Variants in ABLIM2 observed in about 807,000 individuals in gnomAD.
ABLIM2 encodes the protein actin-binding LIM protein 2.
A neutral mutation model predicts 97.7 loss-of-function variants in ABLIM2; 53 were observed. The ratio of observed to expected loss-of-function variants is 0.54; its 90% CI spans 0.44 to 0.68. ABLIM2 has a LOEUF of 0.68. Among genes scored for constraint, ABLIM2 ranks in the 30% least tolerant of loss-of-function variants. ABLIM2 has a pLI of 0.00. For missense variants in ABLIM2, 835 were observed against 867.2 expected (o/e 0.96, Z 0.47); for synonymous variants, 361 against 345.8 (o/e 1.04, Z -0.49).
intron 7 of ABLIM2, among the ~76,000 whole-genome samples, chr4:8,055,694 A>C (rs1412698648): frequency 6.6e-6 from 1 of 152,212 alleles, no homozygotes; most frequent in African/African-American, 2.4e-5. Context: ...TGTGGATTTC[A>C]TGGCGGCTCG....
rs149182830 is a variant in ABLIM2 at position 8,152,792 on chromosome 4, G to A, written c.10+5888C>T. The stretch of plus-strand genomic sequence containing the variant: ...AACAACCTCTGTGAGCCTCTACCAC[G>A]TGCCAGGCAGAGACTGGTCAGCTCA... On this transcript the variant is annotated intron_variant, in intron 1 of 20. Transcript: ENST00000447017. Among the ~76,000 whole-genome samples, 222 of 152,294 alleles carry A rather than the reference G, an allele frequency of 1.5e-3. 1 individual carries two copies. The highest frequency in any genetic ancestry group is 2.6e-3 in the Non-Finnish European group (175 of 68,028).
At chr4:8,020,412 G>C in intron 12 of ABLIM2, 109 bp from the exon 13 acceptor site, 1 of 988,204 alleles carries the variant, frequency 1.0e-6, no homozygotes, top group Non-Finnish European at 1.6e-6. Context: ...TCTCCTGTCT[G>C]GTGGAGCAGC....
intron 7 of ABLIM2, among the ~76,000 whole-genome samples, chr4:8,059,515 T>A (rs1315174578): frequency 6.6e-6 from 1 of 151,892 alleles, no homozygotes; most frequent in African/African-American, 2.4e-5. Context: ...GTGCCCCCTG[T>A]CCCCCGGCCC....
intron 1 of ABLIM2, among the ~76,000 whole-genome samples, 192 bp from the exon 2 acceptor site, chr4:8,106,829 AG>A (rs948993180): frequency 8.1e-4 from 124 of 152,330 alleles, no homozygotes; most frequent in African/African-American, 2.7e-3. Flanking sequence ...CAGATTATGC[AG>A]GGGTTAGGGG....
chr4:8,044,227 C>T lies in ABLIM2; in HGVS notation c.900+937G>A, dbSNP rs959568045. 3.3e-5 allele frequency among the ~76,000 whole-genome samples: 5 copies of T among 152,130 alleles called. No homozygotes were observed. Among genetic ancestry groups the T allele is most frequent in the Non-Finnish European group, 5.9e-5 (4 of 68,016 alleles). On this transcript the variant is annotated intron_variant, in intron 9 of 20. Coordinates refer to ENST00000447017, the MANE Select transcript of ABLIM2 (RefSeq NM_001130083.2). The surrounding 1 kb of genome is among the most constrained non-coding windows in gnomAD (Gnocchi z 4.4). The stretch of plus-strand genomic sequence containing the variant: ...ATGAAGAACCCAGGTCCTGGCCTGG[C>T]GGGGACGGGGAGGGGAGAAGGGGCT...
At chr4:8,126,161 A>T (rs1049296427) in intron 1 of ABLIM2, among the ~76,000 whole-genome samples, 6 of 152,018 alleles carry the variant, frequency 3.9e-5, no homozygotes, top group Non-Finnish European at 8.8e-5. Flanking sequence ...TGAGGCGCTG[A>T]GGGGGGGCTA....
At chr4:7,968,361 CAG>C (rs375082330) in intron 20 of ABLIM2, among the ~76,000 whole-genome samples, 171 of 152,354 alleles carry the variant, frequency 1.1e-3, no homozygotes, top group African/African-American at 4.0e-3. Context: ...AACAGGGACT[CAG>C]AGAGATGATG....
At chr4:8,078,709 C>T (rs1817864184) in intron 5 of ABLIM2, among the ~76,000 whole-genome samples, 1 of 152,210 alleles carries the variant, frequency 6.6e-6, no homozygotes, top group Admixed American at 6.5e-5. Context: ...ACTCACTTAA[C>T]CTCTCTGAGC....
At chr4:8,088,344 C>A in intron 3 of ABLIM2, 60 bp from the exon 4 acceptor site, 2 of 1,409,640 alleles carry the variant, frequency 1.4e-6, no homozygotes, top group Non-Finnish European at 2.0e-6. Context: ...CTGGGGGAGC[C>A]CTGTCCCAGT....
At chr4:8,142,879 T>C (rs1039070434) in intron 1 of ABLIM2, among the ~76,000 whole-genome samples, 9 of 152,178 alleles carry the variant, frequency 5.9e-5, no homozygotes, top group African/African-American at 2.2e-4. Flanking sequence ...GGCCCGGCCC[T>C]TGAGGAACCT....
intron 14 of ABLIM2, chr4:8,010,421 G>A (rs1764169893): frequency 1.0e-6 from 1 of 985,936 alleles, no homozygotes. Context: ...GCCGAGGTGG[G>A]CTTCTTACCT....
At chr4:8,039,322 G>A (rs1786589912) in intron 9 of ABLIM2, among the ~76,000 whole-genome samples, 1 of 152,148 alleles carries the variant, frequency 6.6e-6, no homozygotes, top group Non-Finnish European at 1.5e-5. Context: ...CAGCATAGGG[G>A]GCCGCCTTGC....
rs1822926904 is a variant in ABLIM2, at chr4:8,085,526, G to A, written c.454+2643C>T. ...CCCGTCCACTCACACGGCTCTGGGG[G>A]TGCCCACGCTGCAGCCCCGTCCACT... On this transcript the variant is annotated intron_variant, in intron 4 of 20. Coordinates refer to ENST00000447017, the MANE Select transcript of ABLIM2 (RefSeq NM_001130083.2). The surrounding 1 kb of genome is among the most constrained non-coding windows in gnomAD (Gnocchi z 6.1). Among the ~76,000 whole-genome samples the A allele has an allele frequency of 6.7e-6, 1 of 149,690 alleles. No individual in the cohort carries two copies. Among genetic ancestry groups the A allele is most frequent in the Non-Finnish European group, 1.5e-5 (1 of 67,464 alleles).
rs1180161610 is a variant in ABLIM2, at chr4:8,019,069, C to A, written c.1423+549G>T. Among the ~76,000 whole-genome samples, 2 of 152,194 alleles carry A rather than the reference C, an allele frequency of 1.3e-5. No individual in the cohort carries two copies. The highest frequency in any genetic ancestry group is 2.9e-5 in the Non-Finnish European group (2 of 68,028). ...AGCTGCTCCCTGCGCACCTCCCAGG[C>A]AGGTTCACGTGGAGCAGAGCTGGGC... On this transcript the variant is annotated intron_variant, in intron 14 of 20. Transcript: ENST00000447017. The surrounding 1 kb of genome is among the most constrained non-coding windows in gnomAD (Gnocchi z 4.3).
chr4:7,997,508 G>C (rs1325386070), intron 16 of ABLIM2, among the ~76,000 whole-genome samples: 1 of 152,062 alleles, frequency 6.6e-6, no homozygotes, highest in African/African-American at 2.4e-5. Flanking sequence ...GTTCATGTAG[G>C]ATAATTTCTG....
intron 11 of ABLIM2, among the ~76,000 whole-genome samples, chr4:8,028,108 G>C (rs180880788): frequency 9.3e-4 from 142 of 152,330 alleles, no homozygotes; most frequent in African/African-American, 2.7e-3. Context: ...GGTTCCCCAG[G>C]GGGGGTTAGG....
chr4:8,109,360 G>A (rs912811099), intron 1 of ABLIM2, among the ~76,000 whole-genome samples: 3 of 152,246 alleles, frequency 2.0e-5, no homozygotes, highest in Non-Finnish European at 4.4e-5. Context: ...AGGGCTAAGC[G>A]TATTCACGCA....
intron 1 of ABLIM2, among the ~76,000 whole-genome samples, chr4:8,141,041 C>T (rs1459216233): frequency 6.6e-6 from 1 of 152,072 alleles, no homozygotes; most frequent in Non-Finnish European, 1.5e-5. Context: ...CCTGAGCTGC[C>T]CTTGCCTTAG....
chr4:8,073,273 G>T (rs1460830381), intron 6 of ABLIM2, among the ~76,000 whole-genome samples: 1 of 151,354 alleles, frequency 6.6e-6, no homozygotes, highest in Non-Finnish European at 1.5e-5. Flanking sequence ...TAGAAATGGG[G>T]TCTCATAGAG....
Sources: allele counts gnomAD v4.1 joint callset (sites outside exome capture counted in the v4.1 genomes callset), GRCh38; gene constraint gnomAD v4.1.1; non-coding constraint Gnocchi (gnomAD v3.1); transcripts MANE v1.5; gene names NCBI Gene and HGNC (gene_info 2026-07-23, HGNC 2026-07-21).